Variants in WWP2 observed in about 807,000 individuals in gnomAD.
WWP2 encodes the protein WW domain containing E3 ubiquitin protein ligase 2, also known as NEDD4-like E3 ubiquitin-protein ligase WWP2.
WWP2 carries 57 observed loss-of-function variants against 121.0 expected under a neutral mutation model. The observed-to-expected ratio is 0.47, with a 90% CI of 0.38 to 0.59. The LOEUF is 0.59. Ranked by LOEUF, WWP2 falls within the 20% of genes least tolerant of loss-of-function variation. The probability of loss-of-function intolerance (pLI) is 0.00; values close to 1 mark genes in which losing one functional copy is unlikely to be tolerated. For missense variants in WWP2, 962 were observed against 1,158.9 expected, an observed-to-expected ratio of 0.83 and a Z score of 2.47; for synonymous variants, 449 against 441.3, an observed-to-expected ratio of 1.02 and a Z score of -0.22.
intron 1 of WWP2, among the ~76,000 whole-genome samples, chr16:69,781,400 C>T (rs529374959): frequency 2.0e-5 from 3 of 152,090 alleles, no homozygotes; most frequent in Non-Finnish European, 2.9e-5. Context: ...GGCTGGAGTG[C>T]GGTGGCACAA....
chr16:69,920,622 T>TA (rs562311594), intron 10 of WWP2, among the ~76,000 whole-genome samples: 7,615 of 144,126 alleles, frequency 0.053, 265 homozygotes, highest in African/African-American at 0.095. Context: ...AATTTCTCAT[T>TA]AAAAAAAAAA....
intron 4 of WWP2, among the ~76,000 whole-genome samples, chr16:69,817,554 G>T (rs1275859710): frequency 6.7e-6 from 1 of 149,790 alleles, no homozygotes; most frequent in African/African-American, 2.5e-5. Context: ...CCAGCCAGAT[G>T]CTTTGTTTTT....
chr16:69,771,560 T>C (rs1258796426), intron 1 of WWP2, among the ~76,000 whole-genome samples: 1 of 152,216 alleles, frequency 6.6e-6, no homozygotes, highest in Non-Finnish European at 1.5e-5. Context: ...TGTAGCTTTG[T>C]AGTAAGTTTT....
chr16:69,809,396 G>A (rs1443944448), intron 4 of WWP2, among the ~76,000 whole-genome samples: 1 of 152,094 alleles, frequency 6.6e-6, no homozygotes, highest in Non-Finnish European at 1.5e-5. Flanking sequence ...GTTTCCGGAT[G>A]CGAGACTGTC....
In WWP2 at chr16:69,917,817, G is replaced by C. The variant is rs2058498452; in HGVS notation, c.1113G>C (p.Gln371His). 6.2e-7 allele frequency: 1 copy of C among 1,613,958 alleles called. No individual in the cohort carries two copies. The highest frequency in any genetic ancestry group is 1.1e-5 in the South Asian group (1 of 91,086). ...CGGAGTACGTGCGCAACTATGAGCA[G>C]TGGCAGTCGCAGCGGAATCAGCTCC... The part of the protein sequence containing the change: ...PTAEYVRNYE[Q>H]WQSQRNQLQG... Residue 371 changes from glutamine (Q) to histidine (H), a missense_variant, in exon 10 of 24, where the codon CAG (glutamine) becomes CAC (histidine). Gln to His is a conservative substitution (Grantham distance 24). Transcript: ENST00000359154.
intron 8 of WWP2, among the ~76,000 whole-genome samples, chr16:69,894,271 G>A (rs1436954814): frequency 1.1e-4 from 17 of 149,868 alleles, no homozygotes; most frequent in Admixed American, 9.3e-4. Context: ...GTAGAGATGA[G>A]GGTCTCACTC....
intron 4 of WWP2, among the ~76,000 whole-genome samples, chr16:69,800,122 C>A (rs1322713053): frequency 6.6e-6 from 1 of 152,168 alleles, no homozygotes; most frequent in Non-Finnish European, 1.5e-5. Context: ...TCTCTCCAAG[C>A]CTGTCCTTTT....
chr16:69,784,528 G>A (rs149406237), intron 1 of WWP2, among the ~76,000 whole-genome samples: 3 of 152,240 alleles, frequency 2.0e-5, no homozygotes, highest in Admixed American at 2.0e-4. Flanking sequence ...TGTGGTCATG[G>A]TATCCTTCAC....
At chr16:69,773,622 A>G (rs888831227) in intron 1 of WWP2, among the ~76,000 whole-genome samples, 1 of 152,004 alleles carries the variant, frequency 6.6e-6, no homozygotes, top group Non-Finnish European at 1.5e-5. Flanking sequence ...CTGGGACTAC[A>G]GGCATGCACC....
intron 8 of WWP2, among the ~76,000 whole-genome samples, chr16:69,899,510 A>T (rs1173770278): frequency 6.6e-6 from 1 of 152,014 alleles, no homozygotes; most frequent in East Asian, 1.9e-4. Context: ...CAGGTGGATC[A>T]CCTGAGGTCA....
intron 6 of WWP2, among the ~76,000 whole-genome samples, chr16:69,870,219 A>G (rs2057608510): frequency 6.6e-6 from 1 of 152,136 alleles, no homozygotes; most frequent in Non-Finnish European, 1.5e-5. Context: ...TAGCACACAC[A>G]GTGCCTGGAA....
In WWP2 at chr16:69,935,136, C is replaced by T. The variant is rs1362469606; in HGVS notation, c.1843-717C>T. Among the ~76,000 whole-genome samples, 3 of 152,190 alleles carry T rather than the reference C, an allele frequency of 2.0e-5. No individual in the cohort carries two copies. The highest frequency in any genetic ancestry group is 4.8e-5 in the African/African-American group (2 of 41,428). Reference sequence around the variant, plus strand: ...CCCGTGGGAGGCACAGCGCGGGAGCCACATGCATAGCTGGAGATGTTTCAA... The same window carrying T: ...CCCGTGGGAGGCACAGCGCGGGAGCTACATGCATAGCTGGAGATGTTTCAA... On this transcript the variant is annotated intron_variant, in intron 17 of 23. Coordinates refer to ENST00000359154, the MANE Select transcript of WWP2 (RefSeq NM_001270454.2). The surrounding 1 kb of genome is among the most constrained non-coding windows in gnomAD (Gnocchi z 5.2).
intron 8 of WWP2, among the ~76,000 whole-genome samples, chr16:69,896,144 C>T (rs2058101059): frequency 6.6e-6 from 1 of 151,988 alleles, no homozygotes; most frequent in African/African-American, 2.4e-5. Flanking sequence ...TTTTTGGAGA[C>T]AGGGTCTCAT....
intron 6 of WWP2, among the ~76,000 whole-genome samples, chr16:69,851,831 A>C (rs2057219788): frequency 6.6e-6 from 1 of 151,954 alleles, no homozygotes; most frequent in African/African-American, 2.4e-5. Flanking sequence ...ATACAAAAAA[A>C]AATTAGCTGG....
chr16:69,834,052 C>T lies in WWP2; in HGVS notation c.341-6074C>T, dbSNP rs113288587. On this transcript the variant is annotated intron_variant, in intron 4 of 23. Transcript: ENST00000359154. ...GTGACCTCCTACCTGGTCTTGTGTA[C>T]CTCAGCCCTTCTCCTGTAGCCAGAC... Among the ~76,000 whole-genome samples, 5 of 152,358 alleles carry T rather than the reference C, an allele frequency of 3.3e-5. 1 individual carries two copies. The highest frequency in any genetic ancestry group is 1.2e-4 in the African/African-American group (5 of 41,578).
intron 11 of WWP2, among the ~76,000 whole-genome samples, chr16:69,927,877 G>A (rs901749876): frequency 6.6e-6 from 1 of 152,112 alleles, no homozygotes; most frequent in African/African-American, 2.4e-5. Context: ...GCCCAGGCTG[G>A]TCTCGAACTC....
At position 69,799,586 on chromosome 16, in the gene WWP2, A is replaced by T; in HGVS notation, c.340+291A>T. 1 of 336,352 alleles carries T rather than the reference A, an allele frequency of 3.0e-6. No individual in the cohort carries two copies. The highest frequency in any genetic ancestry group is 4.8e-5 in the South Asian group (1 of 20,964). 20.8% of individuals were successfully genotyped at this position (336,352 alleles called of 1,614,324 possible). On this transcript the variant is annotated intron_variant, in intron 4 of 23. Coordinates refer to ENST00000359154, the MANE Select transcript of WWP2 (RefSeq NM_001270454.2). This position sits in a 1 kb window ranked among gnomAD's most constrained non-coding sequence, Gnocchi z 4.5. ...CTGCCTCTGCTCCTCTTCCCGTTGC[A>T]GGAGATGTGTGATATGTTGAATGAA...
At chr16:69,821,330 G>A (rs74591285) in intron 4 of WWP2, among the ~76,000 whole-genome samples, 12,888 of 152,256 alleles carry the variant, frequency 0.085, 681 homozygotes, top group South Asian at 0.22. Context: ...AGAGCTGTTG[G>A]AAAGAAAAGG....
chr16:69,939,774 G>A, intron 23 of WWP2, 67 bp from the exon 24 acceptor site: 1 of 1,444,226 alleles, frequency 6.9e-7, no homozygotes, highest in East Asian at 2.3e-5. Flanking sequence ...GCTGCAGGCA[G>A]GCATGGTGGG....
Sources: allele counts gnomAD v4.1 joint callset (sites outside exome capture counted in the v4.1 genomes callset), GRCh38; gene constraint gnomAD v4.1.1; non-coding constraint Gnocchi (gnomAD v3.1); transcripts MANE v1.5; gene names NCBI Gene and HGNC (gene_info 2026-07-23, HGNC 2026-07-21).